ASCC3: variants seen among roughly 807,000 people sequenced by gnomAD.
The protein encoded by ASCC3 is activating signal cointegrator 1 complex subunit 3.
In ASCC3, 158 loss-of-function variants were observed where a neutral mutation model predicts 256.3. That is an observed-to-expected ratio of 0.62 (90% CI 0.54 to 0.70). The LOEUF is 0.70. Ranked by LOEUF, ASCC3 falls within the 30% of genes least tolerant of loss-of-function variation. The probability of loss-of-function intolerance (pLI) is 0.00; values close to 1 mark genes in which losing one functional copy is unlikely to be tolerated. For missense variants in ASCC3, 2,259 were observed against 2,626.0 expected (o/e 0.86, Z 3.05); for synonymous variants, 948 against 883.4 (o/e 1.07, Z -1.30).
intron 10 of ASCC3, among the ~76,000 whole-genome samples, chr6:100,737,040 G>A (rs1196153422): frequency 4.0e-5 from 6 of 151,796 alleles, no homozygotes; most frequent in African/African-American, 9.7e-5. Flanking sequence ...CCAGCTACTC[G>A]GAAAGTTGAG....
At chr6:100,773,384 C>A (rs1055146439) in intron 8 of ASCC3, among the ~76,000 whole-genome samples, 2 of 152,152 alleles carry the variant, frequency 1.3e-5, no homozygotes, top group African/African-American at 4.8e-5. Flanking sequence ...AACTACAAAT[C>A]TGATCATGTC....
intron 36 of ASCC3, among the ~76,000 whole-genome samples, chr6:100,543,762 C>A (rs1433529753): frequency 6.6e-6 from 1 of 151,934 alleles, no homozygotes; most frequent in Non-Finnish European, 1.5e-5. Flanking sequence ...AGAAGTATTG[C>A]TGAAGATTTC....
intron 36 of ASCC3, among the ~76,000 whole-genome samples, chr6:100,567,231 C>A (rs775642226): frequency 1.3e-5 from 2 of 152,014 alleles, no homozygotes; most frequent in African/African-American, 2.4e-5. Context: ...TCATCTAAAT[C>A]TTTTACTATG....
chr6:100,730,303 C>CAAAACAAAAG, intron 10 of ASCC3, among the ~76,000 whole-genome samples: 1 of 151,430 alleles, frequency 6.6e-6, no homozygotes, highest in East Asian at 2.0e-4. Flanking sequence ...TCTCTGAAAA[C>CAAAACAAAAG]AAAACAAAAC....
chr6:100,541,535 A>C (rs1775463404), intron 36 of ASCC3, among the ~76,000 whole-genome samples: 2 of 152,216 alleles, frequency 1.3e-5, no homozygotes, highest in Non-Finnish European at 2.9e-5. Flanking sequence ...GAGAATAATT[A>C]GCTCTACGAC....
At chr6:100,666,868 T>C (rs775425797) in intron 14 of ASCC3, among the ~76,000 whole-genome samples, 1 of 151,964 alleles carries the variant, frequency 6.6e-6, no homozygotes, top group African/African-American at 2.4e-5. Context: ...AAAAAAGCAC[T>C]GTAAAGAATC....
At chr6:100,688,279 AC>A (rs1330576639) in intron 13 of ASCC3, among the ~76,000 whole-genome samples, 1 of 151,836 alleles carries the variant, frequency 6.6e-6, no homozygotes, top group Non-Finnish European at 1.5e-5. Flanking sequence ...AAAAAAAAAA[AC>A]AACAACAGGA....
intron 36 of ASCC3, among the ~76,000 whole-genome samples, chr6:100,581,939 CTA>C (rs1229250711): frequency 6.6e-6 from 1 of 151,950 alleles, no homozygotes; most frequent in Non-Finnish European, 1.5e-5. Context: ...TTCCATTGAT[CTA>C]TATCTCTGTT....
chr6:100,876,270 A>C (rs1202541205), intron 1 of ASCC3, among the ~76,000 whole-genome samples: 2 of 152,172 alleles, frequency 1.3e-5, no homozygotes, highest in Non-Finnish European at 2.9e-5. Flanking sequence ...ATTTTATTTG[A>C]GATATGCTAA....
Position 100,831,170 on chromosome 6 carries a change from T to C in ASCC3, c.801+16978A>G, listed in dbSNP as rs181774271. Among the ~76,000 whole-genome samples the C allele has an allele frequency of 2.0e-5, 3 of 152,092 alleles. No individual in the cohort carries two copies. The East Asian group carries it at 5.8e-4, about 29-fold the overall frequency. ...CTTTAAATAAAAACAATAAAATATATTTTACTTTTAAATTTCTTCTAAAAA... is the reference window on the plus strand; with the variant it reads ...CTTTAAATAAAAACAATAAAATATACTTTACTTTTAAATTTCTTCTAAAAA... On this transcript the variant is annotated intron_variant, in intron 4 of 41. Transcript: ENST00000369162.
intron 30 of ASCC3, among the ~76,000 whole-genome samples, chr6:100,608,063 T>TATCG (rs1773004970): frequency 9.8e-6 from 1 of 102,484 alleles, no homozygotes; most frequent in Admixed American, 1.2e-4. Context: ...TATATACACA[T>TATCG]ATATATACAT....
intron 25 of ASCC3, among the ~76,000 whole-genome samples, chr6:100,635,734 A>T (rs1418308618): frequency 6.6e-6 from 1 of 152,114 alleles, no homozygotes; most frequent in Non-Finnish European, 1.5e-5. Context: ...ATACTAGGAA[A>T]GAGTTAAAAA....
chr6:100,761,787 GC>G (rs1781433737), intron 10 of ASCC3, among the ~76,000 whole-genome samples: 1 of 152,144 alleles, frequency 6.6e-6, no homozygotes, highest in Non-Finnish European at 1.5e-5. Flanking sequence ...GAAATTTAAA[GC>G]GAAAAGCCCA....
rs893873065 is a variant in ASCC3 at position 100,806,020 on chromosome 6, A to T, written c.802-140T>A. On this transcript the variant is annotated intron_variant, in intron 4 of 41. Transcript: ENST00000369162. ...AAAAATTTAATAAAAATGGTACCTT[A>T]AACTAAGAAAAATGACTCTTCACAT... 9.6e-6 allele frequency: 7 copies of T among 727,468 alleles called. No individual in the cohort carries two copies. The Admixed American group carries it at 2.1e-4, about 22-fold the overall frequency. 45.1% of individuals were successfully genotyped at this position (727,468 alleles called of 1,614,324 possible).
intron 8 of ASCC3, among the ~76,000 whole-genome samples, chr6:100,769,439 C>T (rs1334339867): frequency 1.3e-5 from 2 of 151,590 alleles, no homozygotes; most frequent in East Asian, 1.9e-4. Context: ...TTGATCATTG[C>T]GCAGAATATA....
intron 36 of ASCC3, among the ~76,000 whole-genome samples, chr6:100,586,279 G>T (rs1377732260): frequency 1.3e-5 from 2 of 152,180 alleles, no homozygotes; most frequent in East Asian, 3.9e-4. Flanking sequence ...AAGCAAGCCT[G>T]GGCAATGGCG....
At chr6:100,575,287 C>T (rs1770798870) in intron 36 of ASCC3, among the ~76,000 whole-genome samples, 1 of 151,970 alleles carries the variant, frequency 6.6e-6, no homozygotes, top group African/African-American at 2.4e-5. Flanking sequence ...TTTTAAATTT[C>T]TCCCTTATAA....
chr6:100,602,034 A>G, intron 33 of ASCC3, 99 bp from the exon 34 acceptor site: 4 of 1,321,782 alleles, frequency 3.0e-6, no homozygotes, highest in Non-Finnish European at 4.2e-6. Flanking sequence ...ATGTTCTAAG[A>G]TAAAAACAAA....
intron 30 of ASCC3, among the ~76,000 whole-genome samples, chr6:100,620,260 T>C (rs996375952): frequency 6.6e-6 from 1 of 152,180 alleles, no homozygotes; most frequent in Admixed American, 6.5e-5. Flanking sequence ...GTGGCAGAAG[T>C]AGCAAAATCC....
Sources: gnomAD v4.1 joint callset for allele counts (sites outside exome capture counted in the v4.1 genomes callset) on GRCh38, gnomAD v4.1.1 for gene constraint, MANE v1.5 for transcripts, NCBI Gene and HGNC (gene_info 2026-07-23, HGNC 2026-07-21) for gene names.